TMEM232: variants seen among roughly 807,000 people sequenced by gnomAD.
TMEM232 encodes the protein transmembrane protein 232.
TMEM232 carries 80 observed loss-of-function variants against 78.8 expected under a neutral mutation model. The observed-to-expected ratio is 1.01, with a 90% CI of 0.85 to 1.22. The LOEUF (loss-of-function observed/expected upper bound fraction) is 1.22, where lower values mean the gene tolerates loss of function less well. Among genes scored for constraint, TMEM232 ranks in the 50% most tolerant of loss-of-function variants. TMEM232 has a pLI of 0.00. For missense variants in TMEM232, 881 were observed against 742.2 expected, an observed-to-expected ratio of 1.19 and a Z score of -2.17; for synonymous variants, 297 against 254.3, an observed-to-expected ratio of 1.17 and a Z score of -1.60.
intron 12 of TMEM232, among the ~76,000 whole-genome samples, chr5:110,471,609 T>A (rs1762688378): frequency 1.4e-5 from 2 of 147,846 alleles, no homozygotes. Context: ...ATATTCCAAG[T>A]GCTGAAAGAA....
At chr5:110,673,633 G>C (rs1791650284) in intron 1 of TMEM232, among the ~76,000 whole-genome samples, 1 of 152,140 alleles carries the variant, frequency 6.6e-6, no homozygotes, top group Admixed American at 6.6e-5. Context: ...AGCCTGTGTG[G>C]GGATTATGAG....
At chr5:110,608,333 G>A (rs989727392) in intron 8 of TMEM232, among the ~76,000 whole-genome samples, 2 of 151,796 alleles carry the variant, frequency 1.3e-5, no homozygotes, top group East Asian at 3.9e-4. Context: ...AAAGATATGA[G>A]TTTGATAATG....
upstream of TMEM232, chr5:110,738,167 A>AC: frequency 2.4e-6 from 3 of 1,236,836 alleles, no homozygotes; most frequent in South Asian, 3.9e-5. Context: ...AGTTGAAGGA[A>AC]CATAGGATGA....
rs576680936 is a variant in TMEM232 at position 110,720,789 on chromosome 5, A to G, written c.-13+5838T>C. ...TTGACTGAGTGCTTTGTGCTATATT[A>G]TGCTTCTTTCTATTAATATACCACT... On this transcript the variant is annotated intron_variant, in intron 1 of 13. Coordinates refer to ENST00000455884, the MANE Select transcript of TMEM232 (RefSeq NM_001039763.4). 3.3e-5 allele frequency: 5 copies of G among 152,226 alleles called. No individual in the cohort carries two copies. The South Asian group carries it at 1.0e-3, about 32-fold the overall frequency. 9.4% of individuals were successfully genotyped at this position (152,226 alleles called of 1,614,324 possible).
intron 12 of TMEM232, among the ~76,000 whole-genome samples, chr5:110,441,222 C>A (rs189521231): frequency 5.9e-5 from 9 of 152,130 alleles, no homozygotes; most frequent in Admixed American, 5.9e-4. Context: ...ATAGCTCTGG[C>A]CTCTGCCCAC....
At chr5:110,454,622 A>C (rs1760695860) in intron 12 of TMEM232, among the ~76,000 whole-genome samples, 1 of 152,156 alleles carries the variant, frequency 6.6e-6, no homozygotes, top group Non-Finnish European at 1.5e-5. Flanking sequence ...AAATTAGAAA[A>C]TATTTTAAAT....
At chr5:110,663,103 A>C (rs1384017763) in intron 2 of TMEM232, among the ~76,000 whole-genome samples, 1 of 152,164 alleles carries the variant, frequency 6.6e-6, no homozygotes, top group African/African-American at 2.4e-5. Flanking sequence ...TGAAACGTTC[A>C]TAATAACCAT....
chr5:110,657,747 T>G (rs1157524562), intron 2 of TMEM232, among the ~76,000 whole-genome samples: 1 of 152,162 alleles, frequency 6.6e-6, no homozygotes, highest in Non-Finnish European at 1.5e-5. Context: ...GAAGAGATTT[T>G]GAATGTTGTC....
chr5:110,413,620 C>T (rs1211424448), intron 2 of TMEM232, among the ~76,000 whole-genome samples: 1 of 152,208 alleles, frequency 6.6e-6, no homozygotes. Context: ...TATGGGGCCT[C>T]TTCTTCAGCT....
chr5:110,463,447 T>C (rs1241920601), intron 12 of TMEM232, among the ~76,000 whole-genome samples: 2 of 152,234 alleles, frequency 1.3e-5, no homozygotes, highest in South Asian at 4.1e-4. Context: ...TATTGTGATA[T>C]TCTCTTTATT....
intron 1 of TMEM232, among the ~76,000 whole-genome samples, chr5:110,690,201 C>T (rs893623957): frequency 5.3e-5 from 8 of 152,186 alleles, no homozygotes; most frequent in South Asian, 4.1e-4. Flanking sequence ...GAACAGGCAA[C>T]CTACAGAATG....
intron 12 of TMEM232, among the ~76,000 whole-genome samples, chr5:110,524,406 AGAAAGAAAG>A (rs1361499770): frequency 1.5e-5 from 1 of 64,832 alleles, no homozygotes; most frequent in Non-Finnish European, 3.1e-5. Context: ...AAAGAAAGAA[AGAAAGAAAG>A]AAAAGAAAAG....
intron 1 of TMEM232, among the ~76,000 whole-genome samples, chr5:110,676,992 C>T (rs965531431): frequency 3.9e-5 from 6 of 152,032 alleles, no homozygotes; most frequent in Admixed American, 1.3e-4. Flanking sequence ...AACTCCTGAA[C>T]TCAGGTGATC....
chr5:110,709,467 T>A (rs1410583434), intron 1 of TMEM232, among the ~76,000 whole-genome samples: 1 of 152,112 alleles, frequency 6.6e-6, no homozygotes, highest in Admixed American at 6.5e-5. Context: ...TTCTCTAGAA[T>A]AGACCATATG....
intron 2 of TMEM232, among the ~76,000 whole-genome samples, chr5:110,645,312 T>C (rs1787327409): frequency 6.6e-6 from 1 of 151,474 alleles, no homozygotes; most frequent in African/African-American, 2.4e-5. Context: ...TGAACGTCAA[T>C]GCAAAAATCA....
At chr5:110,736,882 C>A (rs1799227302) in intron 1 of TMEM232, among the ~76,000 whole-genome samples, 1 of 151,806 alleles carries the variant, frequency 6.6e-6, no homozygotes. Context: ...GCTATCGGGG[C>A]GTTTCTCTTG....
intron 12 of TMEM232, among the ~76,000 whole-genome samples, chr5:110,458,432 G>A (rs1761131124): frequency 1.3e-5 from 2 of 152,130 alleles, no homozygotes; most frequent in African/African-American, 4.8e-5. Context: ...ATTTCTATCT[G>A]TGTTCTCTGA....
intron 12 of TMEM232, among the ~76,000 whole-genome samples, chr5:110,427,618 G>GA (rs1161920332): frequency 6.6e-6 from 1 of 151,658 alleles, no homozygotes; most frequent in Non-Finnish European, 1.5e-5. Flanking sequence ...AGTTCTGGAG[G>GA]AAAAAAAATT....
intron 2 of TMEM232, among the ~76,000 whole-genome samples, chr5:110,644,580 C>T (rs753137443): frequency 8.6e-5 from 13 of 151,704 alleles, no homozygotes; most frequent in Non-Finnish European, 1.5e-4. Flanking sequence ...AACCTATATA[C>T]ACACTTTACC....
Sources: gnomAD v4.1 joint callset for allele counts (sites outside exome capture counted in the v4.1 genomes callset) on GRCh38, gnomAD v4.1.1 for gene constraint, MANE v1.5 for transcripts, NCBI Gene and HGNC (gene_info 2026-07-23, HGNC 2026-07-21) for gene names.